Variants in CACNB2 observed in about 807,000 individuals in gnomAD.
CACNB2 encodes voltage-dependent L-type calcium channel subunit beta-2.
CACNB2 carries 42 observed loss-of-function variants against 73.3 expected under a neutral mutation model. The ratio of observed to expected loss-of-function variants is 0.57; its 90% CI spans 0.45 to 0.74. The LOEUF (loss-of-function observed/expected upper bound fraction) is 0.74, where lower values mean the gene tolerates loss of function less well. Ranked by LOEUF, CACNB2 falls within the 30% of genes least tolerant of loss-of-function variation. The pLI is 0.00. For synonymous variants in CACNB2, 348 were observed against 310.3 expected, an observed-to-expected ratio of 1.12 and a Z score of -1.28; for missense variants, 940 against 853.0, an observed-to-expected ratio of 1.10 and a Z score of -1.27.
At chr10:18,247,512 G>T (rs1328602844) in intron 2 of CACNB2, among the ~76,000 whole-genome samples, 2 of 151,942 alleles carry the variant, frequency 1.3e-5, no homozygotes, top group Non-Finnish European at 2.9e-5. Context: ...AGATTGTCAG[G>T]GTTGCCAAAT....
At chr10:18,276,919 C>T (rs1490629515) in intron 2 of CACNB2, among the ~76,000 whole-genome samples, 1 of 152,232 alleles carries the variant, frequency 6.6e-6, no homozygotes, top group East Asian at 1.9e-4. Flanking sequence ...CAAGACCAGA[C>T]AGGGCAACAT....
At chr10:18,521,061 G>GA (rs1170988791) in intron 9 of CACNB2, among the ~76,000 whole-genome samples, 1 of 152,212 alleles carries the variant, frequency 6.6e-6, no homozygotes, top group East Asian at 1.9e-4. Context: ...GTGGCCAGAT[G>GA]AATTTTGAAT....
intron 3 of CACNB2, among the ~76,000 whole-genome samples, chr10:18,454,903 G>A (rs867487441): frequency 5.9e-5 from 9 of 152,098 alleles, no homozygotes; most frequent in Non-Finnish European, 8.8e-5. Flanking sequence ...TTAGCCAGAC[G>A]TGATAGCAGG....
intron 3 of CACNB2, among the ~76,000 whole-genome samples, chr10:18,480,696 ATTTTGTCTCT>A (rs1261589060): frequency 6.6e-6 from 1 of 152,204 alleles, no homozygotes; most frequent in Non-Finnish European, 1.5e-5. Context: ...CCAGTGCATC[ATTTTGTCTCT>A]AACTGCTTAG....
At chr10:18,240,722 C>A (rs922696307) in intron 2 of CACNB2, among the ~76,000 whole-genome samples, 6 of 152,134 alleles carry the variant, frequency 3.9e-5, no homozygotes, top group African/African-American at 1.2e-4. Context: ...CCCTCGGATG[C>A]AGAACCAGTC....
intron 1 of CACNB2, among the ~76,000 whole-genome samples, chr10:18,146,363 G>A (rs1588538836): frequency 6.8e-6 from 1 of 146,906 alleles, no homozygotes; most frequent in East Asian, 2.0e-4. Context: ...AGGTTGGAGT[G>A]CAGTGGTGCA....
At chr10:18,164,939 T>C (rs1017109272) in intron 2 of CACNB2, among the ~76,000 whole-genome samples, 2 of 152,226 alleles carry the variant, frequency 1.3e-5, no homozygotes, top group African/African-American at 4.8e-5. Flanking sequence ...CATTCATTTA[T>C]TCATTCATTT....
At chr10:18,353,893 CT>C (rs2041812666) in intron 2 of CACNB2, among the ~76,000 whole-genome samples, 1 of 152,164 alleles carries the variant, frequency 6.6e-6, no homozygotes, top group Admixed American at 6.5e-5. Flanking sequence ...GCAAAGTTTT[CT>C]TTCTAGTATA....
intron 3 of CACNB2, among the ~76,000 whole-genome samples, chr10:18,446,805 C>T (rs935658293): frequency 6.6e-6 from 1 of 152,152 alleles, no homozygotes; most frequent in African/African-American, 2.4e-5. Context: ...TGGCTCATGC[C>T]TGTAATCCTA....
chr10:18,255,612 G>GT (rs2037252405), intron 2 of CACNB2, among the ~76,000 whole-genome samples: 1 of 152,178 alleles, frequency 6.6e-6, no homozygotes, highest in Non-Finnish European at 1.5e-5. Flanking sequence ...GCAGCACTCA[G>GT]TTGATATTGT....
chr10:18,341,668 T>C (rs1000588227), intron 2 of CACNB2, among the ~76,000 whole-genome samples: 1 of 152,166 alleles, frequency 6.6e-6, no homozygotes, highest in African/African-American at 2.4e-5. Context: ...CAAATATCTG[T>C]GCTAATAGGA....
intron 2 of CACNB2, among the ~76,000 whole-genome samples, chr10:18,385,944 A>G (rs1221058766): frequency 1.3e-5 from 2 of 152,170 alleles, no homozygotes; most frequent in Non-Finnish European, 2.9e-5. Context: ...ATTCTTATAT[A>G]TATATCCTTA....
At chr10:18,215,909 A>T (rs2035493012) in intron 2 of CACNB2, among the ~76,000 whole-genome samples, 1 of 152,088 alleles carries the variant, frequency 6.6e-6, no homozygotes, top group African/African-American at 2.4e-5. Flanking sequence ...TCGGGTCTAG[A>T]TGCTCTGTGA....
chr10:18,279,576 T>C (rs190618573), intron 2 of CACNB2, among the ~76,000 whole-genome samples: 1 of 152,346 alleles, frequency 6.6e-6, no homozygotes, highest in Admixed American at 6.5e-5. Flanking sequence ...AAATGATAAA[T>C]ATAGTTTTTG....
At chr10:18,244,828 C>T (rs2036798816) in intron 2 of CACNB2, among the ~76,000 whole-genome samples, 1 of 152,180 alleles carries the variant, frequency 6.6e-6, no homozygotes, top group South Asian at 2.1e-4. Context: ...AGATCTTGAG[C>T]TAGGAAGATT....
chr10:18,354,796 C>T (rs145979437), intron 2 of CACNB2, among the ~76,000 whole-genome samples: 4 of 152,254 alleles, frequency 2.6e-5, no homozygotes, highest in African/African-American at 9.6e-5. Context: ...CAGGGGTCAG[C>T]AGGGTTCAGA....
Position 18,146,488 on chromosome 10 carries a change from TG to T in CACNB2, c.121-4394del, listed in dbSNP as rs1288166062. Reference sequence around the variant, plus strand: ...CCACGGCCAGCTAATTTTTTTTTTTTGTTTTTCGAGACAGAATCTCGCTCTG... The same window carrying T: ...CCACGGCCAGCTAATTTTTTTTTTTTTTTTTCGAGACAGAATCTCGCTCTG... On this transcript the variant is annotated intron_variant, in intron 1 of 13. Coordinates refer to ENST00000324631, the MANE Select transcript of CACNB2 (RefSeq NM_201596.3). Among the ~76,000 whole-genome samples the T allele has an allele frequency of 8.4e-5, 12 of 142,840 alleles. No homozygotes were observed. The East Asian group carries it at 1.8e-3, about 22-fold the overall frequency. The allele number at this position is 142,840 out of a possible 152,430, so 93.7% of individuals were successfully genotyped here. A position where few individuals can be genotyped will look rare whatever the true frequency, so the allele number is the denominator to read the frequency against.
At chr10:18,221,754 T>A (rs558899280) in intron 2 of CACNB2, among the ~76,000 whole-genome samples, 1 of 152,326 alleles carries the variant, frequency 6.6e-6, no homozygotes. Flanking sequence ...TATAAATTCA[T>A]TGCAAAAGAA....
At chr10:18,227,089 G>A (rs1044752108) in intron 2 of CACNB2, among the ~76,000 whole-genome samples, 1 of 152,148 alleles carries the variant, frequency 6.6e-6, no homozygotes, top group African/African-American at 2.4e-5. Context: ...AGACCATAAT[G>A]ATAAAACAAC....
Sources: allele counts gnomAD v4.1 joint callset (sites outside exome capture counted in the v4.1 genomes callset), GRCh38; gene constraint gnomAD v4.1.1; transcripts MANE v1.5; gene names NCBI Gene and HGNC (gene_info 2026-07-23, HGNC 2026-07-21).